Variants in CALN1 observed in about 807,000 individuals in gnomAD.
CALN1 encodes calcium-binding protein 8.
CALN1 carries 17 observed loss-of-function variants against 30.6 expected under a neutral mutation model. That is an observed-to-expected ratio of 0.56 (90% CI 0.38 to 0.83). The LOEUF (loss-of-function observed/expected upper bound fraction) is 0.83. Ranked by LOEUF, CALN1 falls within the 40% of genes least tolerant of loss-of-function variation. The pLI, the probability that CALN1 is intolerant of heterozygous loss-of-function variation, is 0.00. For synonymous variants in CALN1, 156 were observed against 131.4 expected (o/e 1.19, Z -1.28); for missense variants, 291 against 354.9 (o/e 0.82, Z 1.45).
rs921645501 is a variant in CALN1 at position 72,089,330 on chromosome 7, G to C, written c.388+16821C>G. 4.6e-5 allele frequency among the ~76,000 whole-genome samples: 7 copies of C among 152,092 alleles called. No homozygotes were observed. In the East Asian group the frequency reaches 1.2e-3, roughly 25 times the overall value. On this transcript the variant is annotated intron_variant, in intron 4 of 6. Transcript: ENST00000395275. ...AGATATCTACCTTCCACACAGTTGG[G>C]TGGATAATATAAAAAAGAAAAACAC...
At chr7:72,055,962 G>A (rs1455080984) in intron 4 of CALN1, among the ~76,000 whole-genome samples, 1 of 152,210 alleles carries the variant, frequency 6.6e-6, no homozygotes. Context: ...TGAGGCTGCA[G>A]TGAGCTATGA....
chr7:72,326,644 G>A (rs1314540174), intron 2 of CALN1, among the ~76,000 whole-genome samples: 2 of 152,158 alleles, frequency 1.3e-5, no homozygotes, highest in African/African-American at 2.4e-5. Flanking sequence ...CAGTAATTAG[G>A]CCTGTTATCA....
chr7:71,801,881 G>A (rs1787333871), intron 6 of CALN1, among the ~76,000 whole-genome samples: 1 of 151,994 alleles, frequency 6.6e-6, no homozygotes. Flanking sequence ...AGGAGACTGA[G>A]GCATGAGAAT....
chr7:71,836,510 T>C (rs2867517), intron 5 of CALN1, among the ~76,000 whole-genome samples: 63,879 of 151,980 alleles, frequency 0.42, 13,696 homozygotes, highest in South Asian at 0.56. Context: ...ATGAACCGCC[T>C]TTAAGGGACT....
chr7:72,434,897 C>T (rs1264960634), intron 1 of CALN1, among the ~76,000 whole-genome samples: 2 of 152,178 alleles, frequency 1.3e-5, no homozygotes, highest in Admixed American at 1.3e-4. Context: ...CCTAGCTGAG[C>T]TAAGAAAAAT....
intron 3 of CALN1, among the ~76,000 whole-genome samples, chr7:72,228,926 A>T (rs1793883198): frequency 6.8e-6 from 1 of 147,988 alleles, no homozygotes; most frequent in South Asian, 2.1e-4. Context: ...CATGCCTGGC[A>T]ATTTTTTTTT....
chr7:72,165,874 A>G (rs1224411703), intron 3 of CALN1, among the ~76,000 whole-genome samples: 1 of 152,142 alleles, frequency 6.6e-6, no homozygotes, highest in Admixed American at 6.5e-5. Flanking sequence ...TTATCAATTC[A>G]GATGGAAACC....
At chr7:72,491,410 A>T in the CALN1 span, among the ~76,000 whole-genome samples, 40 of 152,070 alleles carry the variant, frequency 2.6e-4, no homozygotes, top group Non-Finnish European at 2.8e-4. Context: ...TTCTGCAAAA[A>T]GTTAAAAAAT....
At chr7:72,272,317 T>C (rs917200036) in intron 3 of CALN1, among the ~76,000 whole-genome samples, 5 of 152,066 alleles carry the variant, frequency 3.3e-5, no homozygotes, top group Non-Finnish European at 7.4e-5. Flanking sequence ...ATTTCAGCAC[T>C]TTGGGAGGTC....
chr7:72,319,787 G>C (rs547934359), intron 2 of CALN1, among the ~76,000 whole-genome samples: 1 of 152,254 alleles, frequency 6.6e-6, no homozygotes, highest in East Asian at 1.9e-4. Flanking sequence ...GGTGGGCCTT[G>C]GGAGCTAAAT....
intron 5 of CALN1, among the ~76,000 whole-genome samples, chr7:71,849,436 AT>A (rs3063933): frequency 3.6e-3 from 503 of 140,216 alleles, no homozygotes; most frequent in African/African-American, 7.4e-3. Context: ...GGATCTTCCT[AT>A]TTTTTTTTTT....
At chr7:72,299,063 T>C (rs1207788539) in intron 2 of CALN1, among the ~76,000 whole-genome samples, 3 of 152,190 alleles carry the variant, frequency 2.0e-5, no homozygotes, top group Non-Finnish European at 2.9e-5. Flanking sequence ...CACAAGTCAC[T>C]GGAAGGTACC....
intron 3 of CALN1, among the ~76,000 whole-genome samples, chr7:72,266,158 A>G (rs1796584305): frequency 6.6e-6 from 1 of 151,884 alleles, no homozygotes; most frequent in Admixed American, 6.6e-5. Context: ...AAACTAAACT[A>G]CAATGTACCC....
chr7:72,065,932 T>A (rs1803993139), intron 4 of CALN1, among the ~76,000 whole-genome samples: 1 of 152,056 alleles, frequency 6.6e-6, no homozygotes, highest in Non-Finnish European at 1.5e-5. Flanking sequence ...ACAGCAAGGA[T>A]AGGAGGATAA....
chr7:72,445,424 C>T (rs1228172763), intron 1 of CALN1, among the ~76,000 whole-genome samples: 1 of 152,144 alleles, frequency 6.6e-6, no homozygotes, highest in African/African-American at 2.4e-5. Flanking sequence ...CAGCTGAGAG[C>T]ACGACCTTTA....
intron 4 of CALN1, among the ~76,000 whole-genome samples, chr7:72,053,973 C>T (rs1803011049): frequency 6.6e-6 from 1 of 152,098 alleles, no homozygotes; most frequent in African/African-American, 2.4e-5. Context: ...TTAATTCATT[C>T]CTTTTTTTGG....
chr7:72,055,862 A>G (rs61491983), intron 4 of CALN1, among the ~76,000 whole-genome samples: 1 of 152,140 alleles, frequency 6.6e-6, no homozygotes, highest in African/African-American at 2.4e-5. Context: ...TAACAAAAAA[A>G]TAAAAAAAAT....
chr7:72,154,261 T>G (rs544561982), intron 3 of CALN1, among the ~76,000 whole-genome samples: 2 of 151,842 alleles, frequency 1.3e-5, no homozygotes, highest in Admixed American at 6.6e-5. Flanking sequence ...ACTACGGGAT[T>G]ATGGACACCT....
At chr7:72,281,230 C>A (rs1032101989) in intron 2 of CALN1, among the ~76,000 whole-genome samples, 1 of 152,064 alleles carries the variant, frequency 6.6e-6, no homozygotes, top group African/African-American at 2.4e-5. Context: ...TGCTACAGGA[C>A]GACACAGCAA....
Sources: allele counts gnomAD v4.1 joint callset (sites outside exome capture counted in the v4.1 genomes callset), GRCh38; gene constraint gnomAD v4.1.1; transcripts MANE v1.5; gene names NCBI Gene and HGNC (gene_info 2026-07-23, HGNC 2026-07-21).